DACH1: variants seen among roughly 807,000 people sequenced by gnomAD.
DACH1 encodes dachshund family transcription factor 1.
A neutral mutation model predicts 54.2 loss-of-function variants in DACH1; 12 were observed. That is an observed-to-expected ratio of 0.22 (90% CI 0.14 to 0.36). The LOEUF (loss-of-function observed/expected upper bound fraction) is 0.36. Ranked by LOEUF, DACH1 falls within the 10% of genes least tolerant of loss-of-function variation. The probability of loss-of-function intolerance (pLI) is 1.00; values close to 1 mark genes in which losing one functional copy is unlikely to be tolerated. For missense variants in DACH1, 805 were observed against 929.8 expected, an observed-to-expected ratio of 0.87 and a Z score of 1.75; for synonymous variants, 386 against 366.2, an observed-to-expected ratio of 1.05 and a Z score of -0.62.
chr13:71,569,992 C>T (rs540127975), intron 4 of DACH1, among the ~76,000 whole-genome samples: 23 of 152,254 alleles, frequency 1.5e-4, no homozygotes, highest in East Asian at 5.8e-4. Context: ...TAGTTATCCA[C>T]GTGTCCAATA....
intron 10 of DACH1, among the ~76,000 whole-genome samples, chr13:71,474,721 A>C (rs1034808297): frequency 2.0e-5 from 3 of 152,144 alleles, no homozygotes; most frequent in African/African-American, 7.2e-5. Context: ...TTTTGCAGGT[A>C]CCTTGCAGTA....
intron 2 of DACH1, among the ~76,000 whole-genome samples, chr13:71,634,478 T>C (rs193087396): frequency 1.3e-5 from 2 of 152,302 alleles, no homozygotes; most frequent in East Asian, 3.9e-4. Context: ...TTCTTTTAAG[T>C]CAGTCTTTGC....
chr13:71,762,330 G>A (rs1885433667), intron 1 of DACH1, among the ~76,000 whole-genome samples: 1 of 152,116 alleles, frequency 6.6e-6, no homozygotes, highest in South Asian at 2.1e-4. Context: ...ACATTTAGGT[G>A]TGAAAAGACA....
intron 1 of DACH1, among the ~76,000 whole-genome samples, chr13:71,721,510 A>G (rs1347574071): frequency 6.6e-6 from 1 of 152,128 alleles, no homozygotes; most frequent in African/African-American, 2.4e-5. Context: ...CTTTGCATTC[A>G]TTAAAAGCAG....
intron 1 of DACH1, among the ~76,000 whole-genome samples, chr13:71,694,060 G>T (rs893715810): frequency 6.6e-6 from 1 of 152,138 alleles, no homozygotes; most frequent in African/African-American, 2.4e-5. Flanking sequence ...AGACAATCTT[G>T]TCTTCCCACT....
chr13:71,721,806 T>TA (rs1566457612), intron 1 of DACH1, among the ~76,000 whole-genome samples: 1 of 152,152 alleles, frequency 6.6e-6, no homozygotes, highest in East Asian at 1.9e-4. Flanking sequence ...GATATCCATT[T>TA]AAAAAATAAG....
At chr13:71,761,602 A>G (rs757561106) in intron 1 of DACH1, among the ~76,000 whole-genome samples, 10 of 152,126 alleles carry the variant, frequency 6.6e-5, no homozygotes, top group South Asian at 2.1e-4. Flanking sequence ...CTTCTCAAAC[A>G]TCAATGTGCG....
At chr13:71,579,574 T>C (rs1471788856) in intron 3 of DACH1, among the ~76,000 whole-genome samples, 1 of 152,004 alleles carries the variant, frequency 6.6e-6, no homozygotes, top group Non-Finnish European at 1.5e-5. Context: ...AAAACAAAAA[T>C]AGCATTAGGA....
intron 3 of DACH1, among the ~76,000 whole-genome samples, chr13:71,596,031 C>T (rs1235068141): frequency 6.6e-6 from 1 of 152,044 alleles, no homozygotes; most frequent in Non-Finnish European, 1.5e-5. Flanking sequence ...ATGTCCCATA[C>T]TAAACTCCTA....
intron 1 of DACH1, among the ~76,000 whole-genome samples, chr13:71,712,769 G>A (rs1594126443): frequency 6.6e-6 from 1 of 151,706 alleles, no homozygotes; most frequent in Non-Finnish European, 1.5e-5. Flanking sequence ...TTTAGTCAGC[G>A]TTAAATTATT....
intron 10 of DACH1, among the ~76,000 whole-genome samples, chr13:71,453,596 C>T (rs1875276161): frequency 1.3e-5 from 2 of 152,276 alleles, no homozygotes; most frequent in Middle Eastern, 6.8e-3. Context: ...AACTCATCAT[C>T]TGGCTTTTAA....
chr13:71,652,731 T>C (rs947789988), intron 2 of DACH1, among the ~76,000 whole-genome samples: 3 of 152,186 alleles, frequency 2.0e-5, no homozygotes, highest in Non-Finnish European at 4.4e-5. Flanking sequence ...TGAATTATAT[T>C]GTTATCATGT....
chr13:71,656,902 A>G (rs1188660636), intron 2 of DACH1, among the ~76,000 whole-genome samples: 1 of 115,874 alleles, frequency 8.6e-6, no homozygotes, highest in Non-Finnish European at 1.8e-5. Context: ...CCTTGAGTAC[A>G]GATTGACTGT....
intron 1 of DACH1, among the ~76,000 whole-genome samples, chr13:71,702,036 T>A (rs1262101422): frequency 6.6e-6 from 1 of 152,026 alleles, no homozygotes; most frequent in Non-Finnish European, 1.5e-5. Flanking sequence ...TCCAAAAAAA[T>A]AAATAAATAA....
rs576573391 is a variant in DACH1 at position 71,651,225 on chromosome 13, G to A, written c.965-20508C>T. Among the ~76,000 whole-genome samples the A allele has an allele frequency of 3.9e-5, 6 of 152,046 alleles. No individual in the cohort carries two copies. In the South Asian group the frequency reaches 1.2e-3, roughly 32 times the overall value. On this transcript the variant is annotated intron_variant, in intron 2 of 10. Transcript: ENST00000613252. The stretch of plus-strand genomic sequence containing the variant: ...GTCTTTCAAAAGTGCATGAGGGCAG[G>A]GCACGGTGGCTCCTGCCTGTAATCC...
At chr13:71,485,809 T>C (rs1279969942) in intron 7 of DACH1, among the ~76,000 whole-genome samples, 2 of 151,502 alleles carry the variant, frequency 1.3e-5, no homozygotes, top group Non-Finnish European at 2.9e-5. Flanking sequence ...TCTCAATCTC[T>C]GGACCTTGAG....
intron 3 of DACH1, among the ~76,000 whole-genome samples, chr13:71,594,301 A>C (rs1306951781): frequency 6.6e-6 from 1 of 152,046 alleles, no homozygotes; most frequent in Non-Finnish European, 1.5e-5. Context: ...TTAATGTTTA[A>C]AGAAAGCTAT....
chr13:71,672,150 G>C (rs908207614), intron 2 of DACH1, among the ~76,000 whole-genome samples: 1 of 151,956 alleles, frequency 6.6e-6, no homozygotes, highest in Non-Finnish European at 1.5e-5. Flanking sequence ...CATTTATCTG[G>C]ACTTTATATT....
At chr13:71,588,836 A>G (rs1291548250) in intron 3 of DACH1, among the ~76,000 whole-genome samples, 3 of 151,946 alleles carry the variant, frequency 2.0e-5, no homozygotes, top group Admixed American at 6.6e-5. Context: ...AATTTTTTCT[A>G]TAGTTATCTG....
Sources: gnomAD v4.1 joint callset for allele counts (sites outside exome capture counted in the v4.1 genomes callset) on GRCh38, gnomAD v4.1.1 for gene constraint, MANE v1.5 for transcripts, NCBI Gene and HGNC (gene_info 2026-07-23, HGNC 2026-07-21) for gene names.